Variants in RABGEF1 observed in about 807,000 individuals in gnomAD.
RABGEF1 encodes rab5 GDP/GTP exchange factor.
In RABGEF1, 26 loss-of-function variants were observed where a neutral mutation model predicts 57.3. That is an observed-to-expected ratio of 0.45 (90% confidence interval 0.33 to 0.63). RABGEF1 has a LOEUF of 0.63. RABGEF1 is among the 20% of genes least tolerant of loss of function. The probability of loss-of-function intolerance (pLI) is 0.02; values close to 1 mark genes in which losing one functional copy is unlikely to be tolerated. For missense variants in RABGEF1, 464 were observed against 607.6 expected (o/e 0.76, Z 2.48); for synonymous variants, 185 against 210.7 (o/e 0.88, Z 1.06).
At chr7:66,808,845 A>G in intron 8 of RABGEF1, 41 bp from the exon 9 acceptor site, 4 of 1,479,386 alleles carry the variant, frequency 2.7e-6, no homozygotes, top group Non-Finnish European at 3.7e-6. Flanking sequence ...GAGTATGCAT[A>G]GCTTTCCTAA....
chr7:66,697,442 G>A lies in RABGEF1; in HGVS notation c.-872-14725G>A, dbSNP rs543942807. 1.6e-3 allele frequency among the ~76,000 whole-genome samples: 245 copies of A among 152,218 alleles called. 1 individual carries two copies. Among genetic ancestry groups the A allele is most frequent in the African/African-American group, 5.7e-3 (237 of 41,540 alleles). ...GCCACCAGGGATGGGTCAAACCGAC[G>A]TCTCTCCCTTCACAGTGGCTCTGTC... is the stretch of plus-strand genomic sequence containing the variant. On this transcript the variant is annotated intron_variant and NMD_transcript_variant, in intron 1 of 9. Coordinates refer to the RABGEF1 transcript ENST00000607882.
At chr7:66,675,323 G>A in the RABGEF1 span, among the ~76,000 whole-genome samples, 2 of 152,040 alleles carry the variant, frequency 1.3e-5, no homozygotes, top group Non-Finnish European at 1.5e-5. Context: ...CCAGCTATTC[G>A]GGGGGCCGAG....
chr7:66,768,178 A>G (rs1364240917), intron 1 of RABGEF1, among the ~76,000 whole-genome samples: 4 of 152,228 alleles, frequency 2.6e-5, no homozygotes, highest in African/African-American at 7.2e-5. Flanking sequence ...GAAGGGAGAC[A>G]TTATATTTAC....
intron 1 of RABGEF1, among the ~76,000 whole-genome samples, chr7:66,757,855 C>T (rs1803164007): frequency 6.6e-6 from 1 of 152,212 alleles, no homozygotes. Flanking sequence ...TCGTGATCCG[C>T]CCGCCTCGAC....
intron 2 of RABGEF1, among the ~76,000 whole-genome samples, chr7:66,716,632 C>T (rs1425003301): frequency 6.6e-6 from 1 of 152,020 alleles, no homozygotes; most frequent in Admixed American, 6.6e-5. Flanking sequence ...AAAACAGCAG[C>T]AACAAAATGT....
At chr7:66,656,977 T>C in the RABGEF1 span, among the ~76,000 whole-genome samples, 4 of 152,116 alleles carry the variant, frequency 2.6e-5, no homozygotes, top group South Asian at 6.2e-4. Flanking sequence ...TTAAAACATA[T>C]GTGCCTAACA....
intron 2 of RABGEF1, among the ~76,000 whole-genome samples, chr7:66,720,200 T>TATTA (rs1795876454): frequency 1.4e-5 from 2 of 141,480 alleles, no homozygotes; most frequent in South Asian, 2.2e-4. Context: ...TATTATTTTT[T>TATTA]TTTTTTTTTC....
chr7:66,746,552 G>A (rs1040278037), intron 1 of RABGEF1, among the ~76,000 whole-genome samples: 2 of 150,582 alleles, frequency 1.3e-5, no homozygotes, highest in African/African-American at 4.9e-5. Context: ...GCCTCCCAAA[G>A]TGCTGCGATT....
chr7:66,674,333 G>A, the RABGEF1 span, among the ~76,000 whole-genome samples: 3 of 151,932 alleles, frequency 2.0e-5, no homozygotes, highest in Non-Finnish European at 4.4e-5. Flanking sequence ...GGGATTACAG[G>A]CACCCACCAC....
intron 2 of RABGEF1, 110 bp from the exon 3 acceptor site, chr7:66,775,117 C>G: frequency 8.3e-7 from 1 of 1,201,786 alleles, no homozygotes; most frequent in Middle Eastern, 2.9e-4. Flanking sequence ...CATATTTAGT[C>G]TCTAGGTCTA....
At chr7:66,754,267 G>T (rs939406041) in intron 1 of RABGEF1, among the ~76,000 whole-genome samples, 2 of 152,038 alleles carry the variant, frequency 1.3e-5, no homozygotes, top group Non-Finnish European at 2.9e-5. Context: ...CTCCCAAAGT[G>T]CTGGGATTAC....
At chr7:66,776,921 G>C (rs1180377301) in intron 3 of RABGEF1, among the ~76,000 whole-genome samples, 1 of 152,146 alleles carries the variant, frequency 6.6e-6, no homozygotes, top group Non-Finnish European at 1.5e-5. Context: ...CCCTAGCTTT[G>C]TATTTACCAG....
intron 1 of RABGEF1, among the ~76,000 whole-genome samples, chr7:66,691,906 A>T (rs1409344982): frequency 6.6e-6 from 1 of 151,932 alleles, no homozygotes; most frequent in Non-Finnish European, 1.5e-5. Flanking sequence ...TAAAAAAAAA[A>T]ATTAGTAAAG....
chr7:66,763,824 T>C (rs1192567226), intron 1 of RABGEF1, among the ~76,000 whole-genome samples: 1 of 152,266 alleles, frequency 6.6e-6, no homozygotes, highest in East Asian at 1.9e-4. Flanking sequence ...TCATTCCTTT[T>C]TATGACCAAG....
chr7:66,745,941 CAG>C (rs1202856390), intron 1 of RABGEF1, among the ~76,000 whole-genome samples: 1 of 152,116 alleles, frequency 6.6e-6, no homozygotes, highest in Admixed American at 6.5e-5. Flanking sequence ...GCCTGAGTGA[CAG>C]AGTGATACCC....
intron 4 of RABGEF1, among the ~76,000 whole-genome samples, chr7:66,792,218 T>C (rs962654656): frequency 1.3e-5 from 2 of 152,032 alleles, no homozygotes; most frequent in African/African-American, 4.8e-5. Flanking sequence ...TCTTGGAAAA[T>C]TATGACAAAC....
intron 4 of RABGEF1, among the ~76,000 whole-genome samples, chr7:66,790,584 T>TGAAG (rs1197431601): frequency 6.6e-6 from 1 of 152,216 alleles, no homozygotes; most frequent in Non-Finnish European, 1.5e-5. Context: ...GTTGATGAGG[T>TGAAG]GAAGGAAGCT....
chr7:66,760,689 G>A (rs1168851356), intron 1 of RABGEF1, among the ~76,000 whole-genome samples: 5 of 152,050 alleles, frequency 3.3e-5, no homozygotes, highest in East Asian at 3.9e-4. Context: ...TGATCTGCCC[G>A]TCTCAGCCTC....
At chr7:66,705,129 G>T (rs939608327) in intron 1 of RABGEF1, among the ~76,000 whole-genome samples, 1 of 152,066 alleles carries the variant, frequency 6.6e-6, no homozygotes, top group African/African-American at 2.4e-5. Context: ...GGCCGGGCGC[G>T]GTGGCTCATG....
Sources: allele counts gnomAD v4.1 joint callset (sites outside exome capture counted in the v4.1 genomes callset), GRCh38; gene constraint gnomAD v4.1.1; transcripts MANE v1.5; gene names NCBI Gene and HGNC (gene_info 2026-07-23, HGNC 2026-07-21).